The following ASH1L variants were observed in gnomAD, a reference collection of about 807,000 sequenced individuals.
The protein encoded by ASH1L is ASH1 like histone lysine methyltransferase.
ASH1L carries 23 observed loss-of-function variants against 269.0 expected under a neutral mutation model. The observed-to-expected ratio is 0.09, with a 90% CI of 0.06 to 0.12. ASH1L has a LOEUF of 0.12. Among genes scored for constraint, ASH1L ranks in the 10% least tolerant of loss-of-function variants. The pLI is 1.00. For missense variants in ASH1L, 2,912 were observed against 3,567.8 expected, an observed-to-expected ratio of 0.82 and a Z score of 4.68; for synonymous variants, 1,187 against 1,253.5, an observed-to-expected ratio of 0.95 and a Z score of 1.12.
rs142537672 is a variant in ASH1L at position 155,388,715 on chromosome 1, C to CTTTTTTT, written c.6103+6737_6103+6743dup. 3.0e-5 allele frequency among the ~76,000 whole-genome samples: 4 copies of CTTTTTTT among 131,694 alleles called. 1 individual carries two copies. The highest frequency in any genetic ancestry group is 1.2e-4 in the African/African-American group (4 of 33,306). 86.4% of individuals were successfully genotyped at this position (131,694 alleles called of 152,430 possible). On this transcript the variant is annotated intron_variant, in intron 7 of 27. Transcript: ENST00000392403. ...GGTCTATGTGTCCTGAATTGCGATTCTTTTTTTTTTTTTTTTTCATAGAAA... is the reference window on the plus strand; with the variant it reads ...GGTCTATGTGTCCTGAATTGCGATTCTTTTTTTTTTTTTTTTTTTTTTTTCATAGAAA...
chr1:155,480,443 T>C lies in ASH1L; in HGVS notation c.2427A>G (p.Leu809=). The change falls in exon 3 of 28, where the codon CTA becomes CTG. Residue 809 remains leucine (L), a synonymous_variant. Coordinates refer to ENST00000392403, the MANE Select transcript of ASH1L (RefSeq NM_018489.3). The part of the protein sequence containing the change: ...PSHKSFATHK[L]SSSMCVSSDL... Reference sequence around the variant, plus strand: ...CACTAGAGACACACATACTGGAGGATAGTTTGTGAGTAGCAAAAGACTTAT... The same window carrying C: ...CACTAGAGACACACATACTGGAGGACAGTTTGTGAGTAGCAAAAGACTTAT... The C allele has an allele frequency of 6.2e-7, 1 of 1,614,064 alleles. No homozygotes were observed. The highest frequency in any genetic ancestry group is 8.5e-7 in the Non-Finnish European group (1 of 1,179,944).
intron 4 of ASH1L, among the ~76,000 whole-genome samples, chr1:155,456,708 T>C (rs564996646): frequency 6.6e-6 from 1 of 152,302 alleles, no homozygotes; most frequent in South Asian, 2.1e-4. Flanking sequence ...TCAATATCTC[T>C]ACCTAAATAG....
intron 2 of ASH1L, among the ~76,000 whole-genome samples, chr1:155,490,048 A>C (rs1162180054): frequency 6.6e-6 from 1 of 150,780 alleles, no homozygotes; most frequent in Admixed American, 6.6e-5. Context: ...GGCTCACTGC[A>C]AACTCCGCCT....
intron 2 of ASH1L, among the ~76,000 whole-genome samples, chr1:155,487,297 A>T (rs1041978549): frequency 8.5e-5 from 13 of 152,094 alleles, no homozygotes; most frequent in African/African-American, 3.1e-4. Context: ...TATTAAAAAT[A>T]AAAAAAATTA....
chr1:155,499,690 CTGGAGTGA>C (rs1667383671), intron 2 of ASH1L, among the ~76,000 whole-genome samples: 1 of 152,076 alleles, frequency 6.6e-6, no homozygotes, highest in Non-Finnish European at 1.5e-5. Context: ...GTGAGGATCT[CTGGAGTGA>C]TTTACAATCA....
chr1:155,397,392 G>A (rs1648977754), intron 6 of ASH1L, among the ~76,000 whole-genome samples: 1 of 151,688 alleles, frequency 6.6e-6, no homozygotes, highest in South Asian at 2.1e-4. Context: ...AGCTACTCAA[G>A]AGGCTGCAGC....
At chr1:155,338,459 C>T (rs919714712) in intron 26 of ASH1L, 69 bp from the exon 27 acceptor site, 3 of 1,449,722 alleles carry the variant, frequency 2.1e-6, no homozygotes, top group Non-Finnish European at 2.8e-6. Flanking sequence ...GGTAGGAGGC[C>T]TCAAGATGGC....
At chr1:155,360,229 A>C in intron 13 of ASH1L, 72 bp downstream of exon 13, 1 of 1,045,896 alleles carries the variant, frequency 9.6e-7, no homozygotes, top group Non-Finnish European at 1.5e-6. Context: ...AATCATGTTT[A>C]CAGAAAGCTC....
At chr1:155,504,197 G>A (rs1667677269) in intron 2 of ASH1L, among the ~76,000 whole-genome samples, 1 of 152,056 alleles carries the variant, frequency 6.6e-6, no homozygotes, top group South Asian at 2.1e-4. Context: ...CTTCTTGGAA[G>A]GTAATTCTTA....
In ASH1L at chr1:155,337,494, C is replaced by A; in HGVS notation, c.*166G>T. Reference sequence around the variant, plus strand: ...TCTTGGACAGAACCCTTTCCTCTCCCTCTCCACTAGCTCCAAGGCTTATTA... The same window carrying A: ...TCTTGGACAGAACCCTTTCCTCTCCATCTCCACTAGCTCCAAGGCTTATTA... On this transcript the variant is annotated 3_prime_UTR_variant, in exon 28 of 28. Transcript: ENST00000392403. 1 of 623,856 alleles carries A rather than the reference C, an allele frequency of 1.6e-6. No individual in the cohort carries two copies. 38.6% of individuals were successfully genotyped at this position (623,856 alleles called of 1,614,324 possible).
rs760301280 is a variant in ASH1L at position 155,347,848 on chromosome 1, G to T, written c.7611C>A (p.Ala2537=). 1.2e-6 allele frequency: 2 copies of T among 1,614,180 alleles called. No homozygotes were observed. The highest frequency in any genetic ancestry group is 8.5e-7 in the Non-Finnish European group (1 of 1,180,026). Residue 2537 remains alanine, a synonymous_variant, in exon 20 of 28, where the codon GCC becomes GCA. Transcript: ENST00000392403. ...VGRDVCRLRK[A]YYNARHEASA... ...ATGCCTCATGCCGGGCATTGTAATA[G>T]GCCTTTCGTAGACGACAAACATCTC...
At chr1:155,463,453 A>G (rs1448648892) in intron 3 of ASH1L, among the ~76,000 whole-genome samples, 2 of 152,326 alleles carry the variant, frequency 1.3e-5, no homozygotes, top group African/African-American at 4.8e-5. Context: ...TGTTTTATAA[A>G]TATTAGTGAC....
chr1:155,336,377 A>G lies in ASH1L; in HGVS notation c.*1283T>C, dbSNP rs1652319337. 1 of 152,036 alleles carries G rather than the reference A, an allele frequency of 6.6e-6. No homozygotes were observed. The highest frequency in any genetic ancestry group is 6.6e-5 in the Admixed American group (1 of 15,188). 9.4% of individuals were successfully genotyped at this position (152,036 alleles called of 1,614,324 possible). A position where few individuals can be genotyped will look rare whatever the true frequency, so the allele number is the denominator to read the frequency against. On this transcript the variant is annotated 3_prime_UTR_variant, in exon 28 of 28. Transcript: ENST00000392403. Reference sequence around the variant, plus strand: ...TATATATATACACACACACATATATATATACACACACATACACACATATAT... The same window carrying G: ...TATATATATACACACACACATATATGTATACACACACATACACACATATAT...
At chr1:155,456,796 A>C (rs911192918) in intron 4 of ASH1L, among the ~76,000 whole-genome samples, 1 of 151,864 alleles carries the variant, frequency 6.6e-6, no homozygotes, top group African/African-American at 2.4e-5. Context: ...GTCACACTCC[A>C]TTCTTCATAT....
chr1:155,432,226 G>C (rs1389813323), intron 5 of ASH1L, among the ~76,000 whole-genome samples: 6 of 152,078 alleles, frequency 3.9e-5, no homozygotes, highest in African/African-American at 1.4e-4. Context: ...AGACTTTTGT[G>C]TATGCTCTCT....
Position 155,481,426 on chromosome 1 carries a change from A to T in ASH1L, c.1444T>A (p.Ser482Thr). The change falls in exon 3 of 28, where the codon TCA becomes ACA. Residue 482 changes from serine to threonine, a missense_variant. Transcript: ENST00000392403. Reference protein sequence around the residue: ...QNKESILEKFSVRKEIINLEK... With the variant: ...QNKESILEKFTVRKEIINLEK... The stretch of plus-strand genomic sequence containing the variant: ...AAATTAATGATTTCTTTTCGTACTG[A>T]GAACTTTTCCAATATGCTTTCTTTA... 1 of 1,614,062 alleles carries T rather than the reference A, an allele frequency of 6.2e-7. No individual in the cohort carries two copies. The highest frequency in any genetic ancestry group is 8.5e-7 in the Non-Finnish European group (1 of 1,179,966).
chr1:155,496,472 T>C (rs557481839), intron 2 of ASH1L, among the ~76,000 whole-genome samples: 22 of 152,316 alleles, frequency 1.4e-4, no homozygotes, highest in Non-Finnish European at 2.1e-4. Context: ...TTAATATATA[T>C]GTATGCATGT....
chr1:155,366,063 C>T (rs539174031), intron 12 of ASH1L, among the ~76,000 whole-genome samples: 1 of 152,256 alleles, frequency 6.6e-6, no homozygotes, highest in Non-Finnish European at 1.5e-5. Flanking sequence ...TGCTGGGTTG[C>T]ATTCCCAATA....
At chr1:155,422,304 T>A (rs932027982) in intron 5 of ASH1L, among the ~76,000 whole-genome samples, 1 of 74,174 alleles carries the variant, frequency 1.3e-5, no homozygotes, top group African/African-American at 5.8e-5. Flanking sequence ...GCCCAGCTAA[T>A]TTTTTTTTTT....
Sources: allele counts gnomAD v4.1 joint callset (sites outside exome capture counted in the v4.1 genomes callset), GRCh38; gene constraint gnomAD v4.1.1; transcripts MANE v1.5; gene names NCBI Gene and HGNC (gene_info 2026-07-23, HGNC 2026-07-21).